The following TOX variants were observed in gnomAD, a reference collection of about 807,000 sequenced individuals.
The protein encoded by TOX is thymocyte selection-associated high mobility group box protein TOX.
A neutral mutation model predicts 53.7 loss-of-function variants in TOX; 11 were observed. The ratio of observed to expected loss-of-function variants is 0.20; its 90% CI spans 0.13 to 0.34. The LOEUF (loss-of-function observed/expected upper bound fraction) is 0.34, where lower values mean the gene tolerates loss of function less well. TOX is among the 10% of genes least tolerant of loss of function. The pLI, the probability that TOX is intolerant of heterozygous loss-of-function variation, is 1.00. For synonymous variants in TOX, 225 were observed against 245.3 expected, an observed-to-expected ratio of 0.92 and a Z score of 0.77; for missense variants, 570 against 664.6, an observed-to-expected ratio of 0.86 and a Z score of 1.56.
rs373354967 is a variant in TOX, at chr8:58,888,514, T to C, written c.412-36709A>G. 4.7e-3 allele frequency among the ~76,000 whole-genome samples: 709 copies of C among 152,148 alleles called. 49 individuals are homozygous for C. The South Asian group carries it at 0.13, about 28-fold the overall frequency. On this transcript the variant is annotated intron_variant, in intron 3 of 8. Transcript: ENST00000361421. The stretch of plus-strand genomic sequence containing the variant: ...GCTTAGAAATACAAAGAAATACCTA[T>C]AGAATACTACCAGGATATTTTTGTT...
intron 6 of TOX, among the ~76,000 whole-genome samples, chr8:58,817,846 A>T (rs1453477213): frequency 6.6e-6 from 1 of 150,640 alleles, no homozygotes; most frequent in Non-Finnish European, 1.5e-5. Context: ...AGTAGAAAAT[A>T]TGTGTAACTG....
At chr8:58,948,276 C>T (rs1219226829) in intron 2 of TOX, among the ~76,000 whole-genome samples, 1 of 152,112 alleles carries the variant, frequency 6.6e-6, no homozygotes, top group Non-Finnish European at 1.5e-5. Flanking sequence ...TACTATCTGC[C>T]TCTCTCTCCA....
At chr8:58,808,870 C>T (rs1481085903) in intron 7 of TOX, among the ~76,000 whole-genome samples, 2 of 152,142 alleles carry the variant, frequency 1.3e-5, no homozygotes, top group Non-Finnish European at 2.9e-5. Flanking sequence ...AGATTCAAAA[C>T]GACTTGCCAT....
At chr8:58,940,983 G>C (rs956226780) in intron 2 of TOX, among the ~76,000 whole-genome samples, 1 of 152,016 alleles carries the variant, frequency 6.6e-6, no homozygotes, top group African/African-American at 2.4e-5. Context: ...AGAGACAGGG[G>C]GTGTATGAAG....
At chr8:58,886,187 A>T (rs1811464950) in intron 3 of TOX, among the ~76,000 whole-genome samples, 1 of 152,074 alleles carries the variant, frequency 6.6e-6, no homozygotes, top group East Asian at 1.9e-4. Context: ...AATGGACTCA[A>T]ATAGCCTTCA....
intron 3 of TOX, among the ~76,000 whole-genome samples, chr8:58,906,219 G>A (rs1300227660): frequency 6.6e-6 from 1 of 152,188 alleles, no homozygotes; most frequent in East Asian, 1.9e-4. Context: ...TCTACTATAA[G>A]GGCCACAAGT....
intron 1 of TOX, among the ~76,000 whole-genome samples, chr8:59,087,976 G>A (rs1308582930): frequency 6.6e-6 from 1 of 152,202 alleles, no homozygotes; most frequent in Non-Finnish European, 1.5e-5. Context: ...TGGGTCCTGT[G>A]AGTGTGTGGA....
chr8:58,831,479 A>G (rs768666149), intron 5 of TOX, among the ~76,000 whole-genome samples: 1 of 152,226 alleles, frequency 6.6e-6, no homozygotes, highest in Non-Finnish European at 1.5e-5. Flanking sequence ...GGCATAATGA[A>G]TATGGGATAA....
chr8:59,033,572 C>A (rs528806995), intron 1 of TOX, among the ~76,000 whole-genome samples: 1 of 152,234 alleles, frequency 6.6e-6, no homozygotes, highest in African/African-American at 2.4e-5. Flanking sequence ...AAGGTCGATG[C>A]CCAGTCGCCA....
intron 1 of TOX, among the ~76,000 whole-genome samples, chr8:59,006,553 G>C (rs912056694): frequency 2.0e-5 from 3 of 152,140 alleles, no homozygotes; most frequent in African/African-American, 7.2e-5. Context: ...AGGACTACTG[G>C]ATCACAATTT....
At chr8:58,837,263 G>A (rs1399449919) in intron 5 of TOX, among the ~76,000 whole-genome samples, 1 of 152,266 alleles carries the variant, frequency 6.6e-6, no homozygotes, top group Middle Eastern at 3.4e-3. Flanking sequence ...CACCTACACA[G>A]TTATTTCAAT....
intron 1 of TOX, among the ~76,000 whole-genome samples, chr8:59,084,190 T>A (rs1010912632): frequency 3.3e-5 from 5 of 152,270 alleles, no homozygotes; most frequent in African/African-American, 1.2e-4. Context: ...AAATAAAGCT[T>A]TCAGGTATTT....
At chr8:58,928,172 C>T (rs1387645175) in intron 3 of TOX, among the ~76,000 whole-genome samples, 1 of 152,190 alleles carries the variant, frequency 6.6e-6, no homozygotes, top group Non-Finnish European at 1.5e-5. Context: ...TGAAGTCACC[C>T]TAGAAATGTC....
intron 1 of TOX, among the ~76,000 whole-genome samples, chr8:59,013,241 A>T (rs905607817): frequency 6.6e-6 from 1 of 152,172 alleles, no homozygotes; most frequent in South Asian, 2.1e-4. Flanking sequence ...TCAGAGTCTG[A>T]TACAACTGTT....
intron 1 of TOX, among the ~76,000 whole-genome samples, chr8:58,999,739 G>T (rs1813654164): frequency 6.6e-6 from 1 of 152,112 alleles, no homozygotes; most frequent in African/African-American, 2.4e-5. Flanking sequence ...TTAGGAAGAG[G>T]TATGGGGAGC....
chr8:58,979,344 A>G (rs7845949), intron 1 of TOX, among the ~76,000 whole-genome samples: 77,082 of 152,000 alleles, frequency 0.51, 21,731 homozygotes, highest in Non-Finnish European at 0.62. Flanking sequence ...TTTGTGTTTC[A>G]GGCTATGTTG....
At chr8:58,997,319 C>T (rs1053479421) in intron 1 of TOX, among the ~76,000 whole-genome samples, 1 of 152,208 alleles carries the variant, frequency 6.6e-6, no homozygotes. Flanking sequence ...GAAAGCAAGA[C>T]TGGAGACCAG....
intron 3 of TOX, among the ~76,000 whole-genome samples, chr8:58,878,016 G>A (rs1811314987): frequency 6.6e-6 from 1 of 152,122 alleles, no homozygotes; most frequent in South Asian, 2.1e-4. Flanking sequence ...TGCCAGGTAT[G>A]GAAAGGTTCC....
At chr8:58,814,721 A>G (rs1390745901) in intron 7 of TOX, among the ~76,000 whole-genome samples, 1 of 152,224 alleles carries the variant, frequency 6.6e-6, no homozygotes, top group East Asian at 1.9e-4. Flanking sequence ...TTGCACACAA[A>G]TGGTTTCAAT....
Sources: allele counts gnomAD v4.1 joint callset (sites outside exome capture counted in the v4.1 genomes callset), GRCh38; gene constraint gnomAD v4.1.1; transcripts MANE v1.5; gene names NCBI Gene and HGNC (gene_info 2026-07-23, HGNC 2026-07-21).